PTGR1: variants seen among roughly 807,000 people sequenced by gnomAD.
PTGR1 encodes 15-oxoprostaglandin 13-reductase.
A neutral mutation model predicts 37.7 loss-of-function variants in PTGR1; 23 were observed. That is an observed-to-expected ratio of 0.61 (90% CI 0.44 to 0.86). The LOEUF (loss-of-function observed/expected upper bound fraction) is 0.86. PTGR1 is among the 40% of genes least tolerant of loss of function. The probability of loss-of-function intolerance (pLI) is 0.00; values close to 1 mark genes in which losing one functional copy is unlikely to be tolerated. For synonymous variants in PTGR1, 134 were observed against 140.0 expected, an observed-to-expected ratio of 0.96 and a Z score of 0.30; for missense variants, 351 against 394.3, an observed-to-expected ratio of 0.89 and a Z score of 0.93.
chr9:111,558,199 C>T (rs961705956), downstream of PTGR1, among the ~76,000 whole-genome samples: 5 of 152,142 alleles, frequency 3.3e-5, no homozygotes, highest in Admixed American at 3.3e-4. Flanking sequence ...TCAGTGTATT[C>T]AGGTATTTGT....
intron 8 of PTGR1, among the ~76,000 whole-genome samples, chr9:111,570,454 C>A (rs1828763594): frequency 6.6e-6 from 1 of 151,962 alleles, no homozygotes; most frequent in Non-Finnish European, 1.5e-5. Context: ...CCTTACATGG[C>A]AAAAAGGACT....
At chr9:111,560,758 A>G (rs1486847746), downstream of PTGR1, among the ~76,000 whole-genome samples, 2 of 148,550 alleles carry the variant, frequency 1.3e-5, no homozygotes, top group African/African-American at 5.0e-5. Context: ...CCTGACCAAC[A>G]TGGTGAAACC....
intron 7 of PTGR1, chr9:111,576,229 A>G: frequency 1.2e-6 from 1 of 835,232 alleles, no homozygotes; most frequent in South Asian, 1.8e-5. Context: ...ACTGAATAGG[A>G]AAAAATATTT....
chr9:111,599,013 T>A (rs1173017684), intron 1 of PTGR1, among the ~76,000 whole-genome samples: 1 of 152,044 alleles, frequency 6.6e-6, no homozygotes, highest in Non-Finnish European at 1.5e-5. Context: ...GAGTTCAACT[T>A]CTTTAGAGTT....
intron 4 of PTGR1, among the ~76,000 whole-genome samples, chr9:111,590,605 T>C (rs755146476): frequency 2.1e-4 from 32 of 152,214 alleles, no homozygotes; most frequent in Non-Finnish European, 3.2e-4. Flanking sequence ...GTGATCCTCC[T>C]GCTTCAGCCT....
chr9:111,574,278 A>T (rs1053884122), intron 8 of PTGR1: 3 of 152,174 alleles, frequency 2.0e-5, no homozygotes, highest in Non-Finnish European at 4.4e-5. Context: ...TTCTCTACAT[A>T]AAAATCTAAT....
downstream of PTGR1, among the ~76,000 whole-genome samples, chr9:111,560,263 G>A (rs796531583): frequency 5.2e-4 from 78 of 151,176 alleles, no homozygotes; most frequent in African/African-American, 1.8e-3. Flanking sequence ...GGTGGATCAC[G>A]AGGTCAGGAG....
chr9:111,597,830 T>A (rs1308559760), intron 1 of PTGR1, among the ~76,000 whole-genome samples: 1 of 152,162 alleles, frequency 6.6e-6, no homozygotes, highest in Non-Finnish European at 1.5e-5. Context: ...CCGTTTCTCA[T>A]CTCACATGGA....
intron 5 of PTGR1, among the ~76,000 whole-genome samples, chr9:111,584,695 G>A (rs528857263): frequency 3.9e-5 from 6 of 152,320 alleles, no homozygotes; most frequent in Admixed American, 3.3e-4. Context: ...AAGTAACTTT[G>A]AGCAGGAGAC....
chr9:111,592,931 C>T lies in PTGR1; in HGVS notation c.204G>A (p.Val68=). The change falls in exon 4 of 10, where the codon GTG becomes GTA. Residue 68 remains valine, a synonymous_variant. Transcript: ENST00000407693. The part of the protein sequence containing the change: ...KEGDTMMGQQ[V]AKVVESKNVA... ...GGACAAATGGAAATAATTACTTGGC[C>T]ACTTGCTGCCCCATCATTGTATCAC... 3.2e-6 allele frequency: 5 copies of T among 1,548,240 alleles called. No homozygotes were observed. The highest frequency in any genetic ancestry group is 1.1e-5 in the South Asian group (1 of 87,148).
intron 9 of PTGR1, among the ~76,000 whole-genome samples, chr9:111,567,081 CAA>C (rs1347415361): frequency 1.8e-5 from 2 of 108,306 alleles, no homozygotes; most frequent in Admixed American, 9.8e-5. Flanking sequence ...GACCCTGTCT[CAA>C]AAAAAAAAAA....
At chr9:111,562,037 T>C (rs1241661368), downstream of PTGR1, among the ~76,000 whole-genome samples, 1 of 151,804 alleles carries the variant, frequency 6.6e-6, no homozygotes, top group Non-Finnish European at 1.5e-5. Flanking sequence ...AGGCACCCGC[T>C]ACCATGCCCA....
intron 4 of PTGR1, chr9:111,589,421 G>A (rs1224780327): frequency 6.8e-6 from 6 of 876,340 alleles, no homozygotes; most frequent in Non-Finnish European, 8.2e-6. Context: ...AATAAAGAAT[G>A]AGATGTTTGG....
At chr9:111,596,748 C>G (rs540241015) in intron 2 of PTGR1, among the ~76,000 whole-genome samples, 2 of 150,988 alleles carry the variant, frequency 1.3e-5, no homozygotes, top group Non-Finnish European at 3.0e-5. Flanking sequence ...GGTGACAGAG[C>G]AAGACTCCAT....
intron 9 of PTGR1, among the ~76,000 whole-genome samples, chr9:111,569,398 T>A (rs1828710493): frequency 6.6e-6 from 1 of 152,150 alleles, no homozygotes; most frequent in Non-Finnish European, 1.5e-5. Context: ...GAGAGAATGA[T>A]CACTATGAAA....
At chr9:111,579,177 C>T (rs1449997190) in intron 6 of PTGR1, among the ~76,000 whole-genome samples, 1 of 151,832 alleles carries the variant, frequency 6.6e-6, no homozygotes, top group Non-Finnish European at 1.5e-5. Flanking sequence ...CAGCAGGTCC[C>T]TTCTGCATTT....
intron 9 of PTGR1, among the ~76,000 whole-genome samples, chr9:111,557,399 A>G (rs1429560732): frequency 1.3e-5 from 2 of 151,808 alleles, no homozygotes; most frequent in African/African-American, 4.8e-5. Context: ...GATGACTTGA[A>G]CACATGGAAA....
At chr9:111,565,055 C>T (rs1049922827) in intron 9 of PTGR1, among the ~76,000 whole-genome samples, 39 of 151,976 alleles carry the variant, frequency 2.6e-4, no homozygotes, top group African/African-American at 8.5e-4. Context: ...ACCCGGCAGG[C>T]GGAGGTTGCA....
intron 4 of PTGR1, among the ~76,000 whole-genome samples, chr9:111,590,179 C>T (rs1357068133): frequency 6.6e-6 from 1 of 152,056 alleles, no homozygotes; most frequent in Non-Finnish European, 1.5e-5. Context: ...AGGATATAAA[C>T]AGATAATCCA....
Sources: allele counts gnomAD v4.1 joint callset (sites outside exome capture counted in the v4.1 genomes callset), GRCh38; gene constraint gnomAD v4.1.1; transcripts MANE v1.5; gene names NCBI Gene and HGNC (gene_info 2026-07-23, HGNC 2026-07-21).